CCDC192: variants seen among roughly 807,000 people sequenced by gnomAD.
CCDC192 encodes the protein coiled-coil domain-containing protein 192.
upstream of CCDC192, among the ~76,000 whole-genome samples, chr5:127,703,107 G>C (rs530642067): frequency 6.6e-6 from 1 of 152,184 alleles, no homozygotes; most frequent in Admixed American, 6.5e-5. Context: ...CAGTGTGGCT[G>C]TTTCCTTAGC....
intron 2 of CCDC192, among the ~76,000 whole-genome samples, chr5:127,723,412 A>G (rs1329843927): frequency 6.6e-6 from 1 of 152,144 alleles, no homozygotes; most frequent in Non-Finnish European, 1.5e-5. Context: ...AAACAAGGAT[A>G]ATTTGACTTC....
At chr5:127,917,184 C>T (rs1157102324) in intron 6 of CCDC192, among the ~76,000 whole-genome samples, 1 of 152,214 alleles carries the variant, frequency 6.6e-6, no homozygotes, top group African/African-American at 2.4e-5. Context: ...AGCTTCCTCA[C>T]CTCTCTCAGC....
intron 5 of CCDC192, among the ~76,000 whole-genome samples, chr5:127,819,238 C>T (rs1157612689): frequency 2.0e-5 from 3 of 152,160 alleles, no homozygotes; most frequent in Admixed American, 6.5e-5. Context: ...AGGAAGCGCG[C>T]TAACAACGAC....
chr5:127,726,797 C>A (rs1752349860), intron 2 of CCDC192, among the ~76,000 whole-genome samples: 1 of 152,224 alleles, frequency 6.6e-6, no homozygotes, highest in South Asian at 2.1e-4. Context: ...GTAAGGGGAT[C>A]TGCAGACTTA....
chr5:127,888,743 A>C lies in CCDC192; in HGVS notation c.535+13082A>C, dbSNP rs545675626. 9.2e-5 allele frequency among the ~76,000 whole-genome samples: 14 copies of C among 152,332 alleles called. No individual in the cohort carries two copies. In the East Asian group the frequency reaches 2.7e-3, roughly 29 times the overall value. ...AATTGAGGGAAATACACAGCTGACT[A>C]CTCTGAATGTGAGAATCAGTGCCTA... On this transcript the variant is annotated intron_variant, in intron 6 of 6. Coordinates refer to ENST00000514853, the MANE Select transcript of CCDC192 (RefSeq NM_001317938.2).
chr5:127,938,607 TTAAA>T (rs1335818655), intron 6 of CCDC192, among the ~76,000 whole-genome samples: 2 of 152,256 alleles, frequency 1.3e-5, no homozygotes, highest in African/African-American at 2.4e-5. Context: ...AATAAGTCAG[TTAAA>T]TTATTTTAAA....
chr5:127,826,560 GGAGGCCA>G (rs1428821918), intron 5 of CCDC192, among the ~76,000 whole-genome samples: 1 of 150,728 alleles, frequency 6.6e-6, no homozygotes, highest in Admixed American at 6.7e-5. Flanking sequence ...AAAATGTGCT[GGAGGCCA>G]TTATCCTAAG....
In CCDC192 at chr5:127,896,206, A is replaced by T. The variant is rs76024309; in HGVS notation, c.535+20545A>T. ...GCAATTCCAACACTTTGAGAGGTCC[A>T]GGCAGGAGGATCATTTGAGGCCATG... On this transcript the variant is annotated intron_variant, in intron 6 of 6. Coordinates refer to ENST00000514853, the MANE Select transcript of CCDC192 (RefSeq NM_001317938.2). 8.9e-3 allele frequency among the ~76,000 whole-genome samples: 1,352 copies of T among 152,248 alleles called. 23 individuals are homozygous for T. Among genetic ancestry groups the T allele is most frequent in the African/African-American group, 0.03 (1,243 of 41,536 alleles).
Position 127,738,261 on chromosome 5 carries a change from C to T in CCDC192, c.115-16007C>T, listed in dbSNP as rs1013720881. 8.3e-5 allele frequency among the ~76,000 whole-genome samples: 12 copies of T among 145,316 alleles called. 1 individual carries two copies. The highest frequency in any genetic ancestry group is 3.1e-4 in the African/African-American group (12 of 38,450). ...TTTAAGAATGTTGAATATTGGCCCC[C>T]ACTCTCTTCTGGCTTGTAGGGTTTC... On this transcript the variant is annotated intron_variant, in intron 2 of 6. Transcript: ENST00000514853.
chr5:127,752,396 C>T (rs1269299656), intron 2 of CCDC192, among the ~76,000 whole-genome samples: 2 of 152,208 alleles, frequency 1.3e-5, no homozygotes. Flanking sequence ...TGTGCCCCTG[C>T]TGGAGGGTGC....
At chr5:127,794,625 A>G (rs777042026) in intron 3 of CCDC192, among the ~76,000 whole-genome samples, 1 of 152,054 alleles carries the variant, frequency 6.6e-6, no homozygotes, top group Non-Finnish European at 1.5e-5. Flanking sequence ...TGAGGCTGTG[A>G]ACAATATTGT....
At chr5:127,837,814 C>T (rs144292445) in intron 5 of CCDC192, among the ~76,000 whole-genome samples, 307 of 152,200 alleles carry the variant, frequency 2.0e-3, no homozygotes, top group African/African-American at 7.2e-3. Flanking sequence ...ATGGTGAAAC[C>T]TCATCTCTAG....
At chr5:127,774,073 G>A (rs369183109) in intron 3 of CCDC192, among the ~76,000 whole-genome samples, 39 of 152,232 alleles carry the variant, frequency 2.6e-4, no homozygotes, top group African/African-American at 9.4e-4. Flanking sequence ...TTAGAGAAAT[G>A]TCTACTCAAG....
intron 3 of CCDC192, chr5:127,785,420 C>T: frequency 2.7e-6 from 1 of 363,722 alleles, no homozygotes; most frequent in South Asian, 2.5e-5. Context: ...TGTCTTGAAA[C>T]ATCCACTGAA....
At chr5:127,841,795 A>C (rs1750302331) in intron 5 of CCDC192, among the ~76,000 whole-genome samples, 1 of 150,120 alleles carries the variant, frequency 6.7e-6, no homozygotes, top group Non-Finnish European at 1.5e-5. Flanking sequence ...ACGAGTGATC[A>C]GTAAGCATGC....
chr5:127,738,165 T>G (rs944510305), intron 2 of CCDC192, among the ~76,000 whole-genome samples: 3 of 151,650 alleles, frequency 2.0e-5, no homozygotes, highest in African/African-American at 4.9e-5. Context: ...GTCTGTAAAG[T>G]ATTTTATTTC....
intron 5 of CCDC192, among the ~76,000 whole-genome samples, chr5:127,851,158 A>G (rs1204764621): frequency 6.6e-6 from 1 of 152,040 alleles, no homozygotes. Context: ...TTCTGATCTC[A>G]TTCTCCAAAT....
chr5:127,892,030 T>A (rs921010690), intron 6 of CCDC192, among the ~76,000 whole-genome samples: 2 of 152,228 alleles, frequency 1.3e-5, no homozygotes, highest in African/African-American at 2.4e-5. Flanking sequence ...GTCTTTTTTT[T>A]ATCAGAGTAC....
Position 127,824,551 on chromosome 5 carries a change from G to A in CCDC192, c.411+26389G>A, listed in dbSNP as rs554491840. Among the ~76,000 whole-genome samples the A allele has an allele frequency of 2.0e-3, 303 of 152,278 alleles. 1 individual carries two copies. The highest frequency in any genetic ancestry group is 6.7e-3 in the African/African-American group (277 of 41,540). On this transcript the variant is annotated intron_variant, in intron 5 of 6. Transcript: ENST00000514853. ...AACTCCCCAAATCTTTCACTGAATG[G>A]AGTGCTTTCTGAGCACTTTTTGCAT... is the stretch of plus-strand genomic sequence containing the variant.
Sources: allele counts gnomAD v4.1 joint callset (sites outside exome capture counted in the v4.1 genomes callset), GRCh38; gene constraint gnomAD v4.1.1; transcripts MANE v1.5; gene names NCBI Gene and HGNC (gene_info 2026-07-23, HGNC 2026-07-21).